KALRN: variants seen among roughly 807,000 people sequenced by gnomAD.
KALRN encodes kalirin RhoGEF kinase.
Under a neutral mutation model 353.7 loss-of-function variants are expected in KALRN, and 70 were observed. That is an observed-to-expected ratio of 0.20 (90% CI 0.16 to 0.24). The LOEUF (loss-of-function observed/expected upper bound fraction) is 0.24. Ranked by LOEUF, KALRN falls within the 10% of genes least tolerant of loss-of-function variation. The probability of loss-of-function intolerance (pLI) is 1.00; values close to 1 mark genes in which losing one functional copy is unlikely to be tolerated. For missense variants in KALRN, 2,791 were observed against 3,756.7 expected (o/e 0.74, Z 6.72); for synonymous variants, 1,391 against 1,434.8 (o/e 0.97, Z 0.69).
At chr3:124,660,357 C>G (rs1051774898) in intron 43 of KALRN, among the ~76,000 whole-genome samples, 5 of 152,178 alleles carry the variant, frequency 3.3e-5, no homozygotes, top group Admixed American at 6.5e-5. Flanking sequence ...CTTTGTCTTC[C>G]CTCCCTCTCA....
chr3:124,313,009 A>T (rs2078433261), intron 6 of KALRN, among the ~76,000 whole-genome samples: 1 of 152,216 alleles, frequency 6.6e-6, no homozygotes, highest in South Asian at 2.1e-4. Context: ...AGCATCAAGG[A>T]TGCAGAGCTA....
At chr3:124,190,101 G>T (rs2074726700) in intron 1 of KALRN, among the ~76,000 whole-genome samples, 1 of 152,160 alleles carries the variant, frequency 6.6e-6, no homozygotes, top group Admixed American at 6.6e-5. Context: ...AAGCAGGTCA[G>T]ATCCCACTTA....
intron 2 of KALRN, among the ~76,000 whole-genome samples, chr3:124,230,377 G>T (rs535637631): frequency 6.6e-6 from 1 of 152,228 alleles, no homozygotes; most frequent in South Asian, 2.1e-4. Flanking sequence ...TGGATCTAAT[G>T]TATTCCTCTG....
In KALRN at chr3:124,650,926, T is replaced by C. The variant is rs2083340600; in HGVS notation, c.5783T>C (p.Leu1928Pro). 1 of 1,614,100 alleles carries C rather than the reference T, an allele frequency of 6.2e-7. No individual in the cohort carries two copies. The highest frequency in any genetic ancestry group is 2.2e-5 in the East Asian group (1 of 44,880). Residue 1928 changes from leucine (L) to proline (P), a missense_variant, in exon 38 of 60, where the codon CTG becomes CCG. By Grantham distance (98) the Leu-to-Pro change is moderately conservative (BLOSUM62 -3). Coordinates refer to ENST00000682506, the MANE Select transcript of KALRN (RefSeq NM_001388419.1). ...GAAGAAGAACAGAAAGCCAAGGCCC[T>C]GAGAGGCAGGATGTAAGTGGCTTCC... ...NPEEEQKAKA[L>P]RGRMFVLNEL... is the part of the protein sequence containing the mutation.
intron 6 of KALRN, among the ~76,000 whole-genome samples, chr3:124,312,253 C>T (rs1005403927): frequency 4.6e-5 from 7 of 152,110 alleles, no homozygotes; most frequent in Admixed American, 1.3e-4. Flanking sequence ...CTCTGCCTCC[C>T]GGGTTCAAGT....
chr3:124,269,291 G>T, intron 5 of KALRN, 36 bp downstream of exon 5: 2 of 1,542,376 alleles, frequency 1.3e-6, no homozygotes, highest in Non-Finnish European at 1.7e-6. Flanking sequence ...AGCCGGGATG[G>T]GGGTGAGGGA....
chr3:124,370,925 C>A lies in KALRN; in HGVS notation c.1771-13920C>A, dbSNP rs186338451. ...CATTGATGTGGATGGTCTGCTGCTG[C>A]GGGCTTCATCTTCAAAATTATTTCA... On this transcript the variant is annotated intron_variant, in intron 10 of 59. Transcript: ENST00000682506. Among the ~76,000 whole-genome samples the A allele has an allele frequency of 1.4e-3, 208 of 152,282 alleles. 1 individual carries two copies. Among genetic ancestry groups the A allele is most frequent in the East Asian group, 7.7e-4 (4 of 5,188 alleles).
chr3:124,406,188 G>T (rs185138494), intron 13 of KALRN, among the ~76,000 whole-genome samples: 2 of 152,080 alleles, frequency 1.3e-5, no homozygotes, highest in Admixed American at 1.3e-4. Flanking sequence ...ATTCCCAAAG[G>T]TCTTTAGCTA....
rs2062669890 is a variant in KALRN at position 124,109,709 on chromosome 3, TATATG to T, written c.73+75898_73+75902del. On this transcript the variant is annotated intron_variant, in intron 1 of 59. Coordinates refer to ENST00000682506, the MANE Select transcript of KALRN (RefSeq NM_001388419.1). ...CATATATATATCATACTTTGATATA[TATATG>T]ACATATATATCATACTTTGATATAT... Among the ~76,000 whole-genome samples, 3 of 136,256 alleles carry T rather than the reference TATATG, an allele frequency of 2.2e-5. 1 individual carries two copies. Among genetic ancestry groups the T allele is most frequent in the African/African-American group, 5.5e-5 (2 of 36,662 alleles). The allele number at this position is 136,256 out of a possible 152,430, so 89.4% of individuals were successfully genotyped here.
chr3:124,404,348 A>G (rs1476064498), intron 13 of KALRN, among the ~76,000 whole-genome samples: 1 of 151,934 alleles, frequency 6.6e-6, no homozygotes, highest in East Asian at 1.9e-4. Flanking sequence ...TATGGTATAT[A>G]TCCTCTATTT....
At chr3:124,681,640 T>C (rs1398077735) in intron 51 of KALRN, among the ~76,000 whole-genome samples, 1 of 147,450 alleles carries the variant, frequency 6.8e-6, no homozygotes, top group Admixed American at 6.8e-5. Flanking sequence ...TTTTTTTTTT[T>C]TTTTTTTTTT....
intron 1 of KALRN, among the ~76,000 whole-genome samples, chr3:124,201,423 G>T (rs1039251823): frequency 1.3e-5 from 2 of 152,106 alleles, no homozygotes; most frequent in African/African-American, 4.8e-5. Flanking sequence ...CTTAGCTCCT[G>T]GTCACTCCAG....
intron 5 of KALRN, among the ~76,000 whole-genome samples, chr3:124,290,282 G>A (rs1229347268): frequency 6.6e-6 from 1 of 152,166 alleles, no homozygotes; most frequent in Non-Finnish European, 1.5e-5. Flanking sequence ...GGCAGACAGG[G>A]TGGAATTTCA....
intron 45 of KALRN, among the ~76,000 whole-genome samples, 156 bp downstream of exon 45, chr3:124,662,084 G>A (rs920221909): frequency 6.6e-6 from 1 of 151,896 alleles, no homozygotes; most frequent in Non-Finnish European, 1.5e-5. Flanking sequence ...CACAGTCCTG[G>A]AAGATGCATC....
At chr3:124,491,059 T>C (rs1320010250) in intron 30 of KALRN, among the ~76,000 whole-genome samples, 175 bp downstream of exon 30, 3 of 152,132 alleles carry the variant, frequency 2.0e-5, no homozygotes, top group Non-Finnish European at 4.4e-5. Flanking sequence ...CACGTCTGCA[T>C]TGTAGAGTTC....
chr3:124,351,705 C>A (rs2082853645), intron 10 of KALRN, among the ~76,000 whole-genome samples: 2 of 152,182 alleles, frequency 1.3e-5, no homozygotes. Context: ...ACATTTAGGG[C>A]AGCTATTAAA....
chr3:124,577,497 T>C (rs1258265099), intron 34 of KALRN, among the ~76,000 whole-genome samples: 6 of 152,208 alleles, frequency 3.9e-5, no homozygotes, highest in Non-Finnish European at 8.8e-5. Flanking sequence ...CTATGCGTGA[T>C]TCTGGCAAGC....
chr3:124,562,684 C>T (rs1007798688), intron 33 of KALRN, 159 bp from the exon 34 acceptor site: 2 of 524,134 alleles, frequency 3.8e-6, no homozygotes, highest in Non-Finnish European at 6.0e-6. Flanking sequence ...TCTGCCATCT[C>T]TCTGCCCTAA....
intron 14 of KALRN, among the ~76,000 whole-genome samples, chr3:124,420,071 C>A (rs2092707307): frequency 6.6e-6 from 1 of 152,196 alleles, no homozygotes; most frequent in South Asian, 2.1e-4. Flanking sequence ...CCCATTTATT[C>A]CATCCACAAC....
Sources: allele counts gnomAD v4.1 joint callset (sites outside exome capture counted in the v4.1 genomes callset), GRCh38; gene constraint gnomAD v4.1.1; transcripts MANE v1.5; gene names NCBI Gene and HGNC (gene_info 2026-07-23, HGNC 2026-07-21).